Variants in ARG2 observed in about 807,000 individuals in gnomAD.
ARG2 encodes arginase-2, mitochondrial.
In ARG2, 21 loss-of-function variants were observed where a neutral mutation model predicts 39.4. The ratio of observed to expected loss-of-function variants is 0.53; its 90% confidence interval spans 0.38 to 0.77. The LOEUF is 0.77. Among genes scored for constraint, ARG2 ranks in the 30% least tolerant of loss-of-function variants. The probability of loss-of-function intolerance (pLI) is 0.00; values close to 1 mark genes in which losing one functional copy is unlikely to be tolerated. For synonymous variants in ARG2, 150 were observed against 156.7 expected (o/e 0.96, Z 0.32); for missense variants, 378 against 426.2 (o/e 0.89, Z 1.00).
intron 7 of ARG2, 138 bp downstream of exon 7, chr14:67,648,321 T>C (rs2140785529): frequency 1.1e-6 from 1 of 938,554 alleles, no homozygotes; most frequent in Non-Finnish European, 1.5e-6. Context: ...CTAAAAATTA[T>C]ATGGCCATGC....
At chr14:67,650,244 GA>G (rs2037155054) in intron 7 of ARG2, 1 of 202,626 alleles carries the variant, frequency 4.9e-6, no homozygotes, top group Admixed American at 5.3e-5. Context: ...AACAGATACA[GA>G]TAACACATTA....
chr14:67,621,949 TAGTC>T (rs1433000656), intron 2 of ARG2, among the ~76,000 whole-genome samples: 1 of 151,836 alleles, frequency 6.6e-6, no homozygotes, highest in Non-Finnish European at 1.5e-5. Flanking sequence ...ATACAAAAAT[TAGTC>T]AGGCATAGTG....
At chr14:67,633,400 T>A (rs1192137468) in intron 2 of ARG2, among the ~76,000 whole-genome samples, 1 of 152,218 alleles carries the variant, frequency 6.6e-6, no homozygotes, top group Non-Finnish European at 1.5e-5. Flanking sequence ...GAGGTGACAT[T>A]TCAGCGATAC....
Position 67,620,082 on chromosome 14 carries a change from A to T in ARG2, c.105A>T (p.Gln35His). Residue 35 changes from glutamine to histidine, a missense_variant, in exon 1 of 8, where the codon CAA (glutamine) becomes CAT (histidine). By Grantham distance (24) the Gln-to-His change is conservative. Transcript: ENST00000261783. ...CTGTGATAGGAGCCCCGTTCTCACA[A>T]GGGCAGGTGAGAACTGGCACCTGGA... is the stretch of plus-strand genomic sequence containing the variant. The part of the protein sequence containing the change: ...SVAVIGAPFS[Q>H]GQKRKGVEHG... The T allele has an allele frequency of 6.2e-7, 1 of 1,602,030 alleles. No individual in the cohort carries two copies. Among genetic ancestry groups the T allele is most frequent in the Non-Finnish European group, 8.5e-7 (1 of 1,173,796 alleles).
chr14:67,632,808 A>ATTTTTTT (rs55642854), intron 2 of ARG2, among the ~76,000 whole-genome samples: 4 of 62,412 alleles, frequency 6.4e-5, no homozygotes, highest in Non-Finnish European at 8.4e-5. Context: ...AAGCCTCTTA[A>ATTTTTTT]TTTTTTTTTT....
chr14:67,643,292 CAAA>C lies in ARG2; in HGVS notation c.362+932_362+934del, dbSNP rs141169259. Among the ~76,000 whole-genome samples, 572 of 152,232 alleles carry C rather than the reference CAAA, an allele frequency of 3.8e-3. 2 individuals carry two copies. The highest frequency in any genetic ancestry group is 0.012 in the African/African-American group (499 of 41,540). On this transcript the variant is annotated intron_variant, in intron 3 of 7. Transcript: ENST00000261783. ...ATGAAATAAATATACATGGAATAAA[CAAA>C]AATATTGAATTCTACAGAATTTCAA...
chr14:67,629,678 C>T (rs943306752), intron 2 of ARG2, among the ~76,000 whole-genome samples: 12 of 152,074 alleles, frequency 7.9e-5, no homozygotes, highest in African/African-American at 2.9e-4. Context: ...ACTGTACTAC[C>T]CAGATTTCTT....
chr14:67,642,084 T>C (rs1566803165), intron 2 of ARG2, 102 bp from the exon 3 acceptor site: 1 of 1,130,096 alleles, frequency 8.8e-7, no homozygotes, highest in East Asian at 2.4e-5. Context: ...GACAAAATGA[T>C]TATGATGTGT....
intron 2 of ARG2, among the ~76,000 whole-genome samples, chr14:67,627,256 G>GATATATATATAT (rs3070464): frequency 0.02 from 2,607 of 133,480 alleles, 80 homozygotes; most frequent in African/African-American, 0.052. Flanking sequence ...TCAGTAAGGA[G>GATATATATATAT]ATATATATAT....
Position 67,620,001 on chromosome 14 carries a change from G to T in ARG2, c.24G>T (p.Ser8=), listed in dbSNP as rs1452878645. The T allele has an allele frequency of 6.2e-7, 1 of 1,608,212 alleles. No homozygotes were observed. The highest frequency in any genetic ancestry group is 1.1e-5 in the South Asian group (1 of 90,274). MSLRGSL[S]RLLQTRVHSI... Reference sequence around the variant, plus strand: ...TCATGTCCCTAAGGGGCAGCCTCTCGCGTCTCCTCCAGACGCGAGTGCATT... The same window carrying T: ...TCATGTCCCTAAGGGGCAGCCTCTCTCGTCTCCTCCAGACGCGAGTGCATT... Residue 8 remains serine (S), a synonymous_variant, in exon 1 of 8, where the codon TCG becomes TCT. Coordinates refer to ENST00000261783, the MANE Select transcript of ARG2 (RefSeq NM_001172.4).
chr14:67,644,202 T>C (rs1258075621), intron 3 of ARG2, among the ~76,000 whole-genome samples: 1 of 152,224 alleles, frequency 6.6e-6, no homozygotes, highest in Non-Finnish European at 1.5e-5. Context: ...CTTGAATAGC[T>C]GTTGAACATT....
chr14:67,625,612 G>A (rs1486685417), intron 2 of ARG2, among the ~76,000 whole-genome samples: 1 of 150,372 alleles, frequency 6.7e-6, no homozygotes, highest in African/African-American at 2.5e-5. Flanking sequence ...CCTGGGAGGC[G>A]GAGGTTGTGA....
intron 2 of ARG2, among the ~76,000 whole-genome samples, chr14:67,630,950 G>T (rs1020531195): frequency 2.0e-5 from 3 of 152,084 alleles, no homozygotes; most frequent in Non-Finnish European, 2.9e-5. Context: ...TTTTCTTTCC[G>T]GAAAAAGGGA....
chr14:67,642,501 A>G, intron 3 of ARG2, 138 bp downstream of exon 3: 1 of 1,037,820 alleles, frequency 9.6e-7, no homozygotes, highest in Non-Finnish European at 1.4e-6. Flanking sequence ...ATGAACAGCA[A>G]GCATTTAAAT....
chr14:67,631,480 G>C (rs1296313293), intron 2 of ARG2, among the ~76,000 whole-genome samples: 1 of 135,850 alleles, frequency 7.4e-6, no homozygotes, highest in Non-Finnish European at 1.5e-5. Flanking sequence ...CTGTCATCCA[G>C]GCTGGAGTAC....
chr14:67,644,950 A>G (rs1213885473), intron 3 of ARG2, among the ~76,000 whole-genome samples: 5 of 151,258 alleles, frequency 3.3e-5, no homozygotes, highest in Admixed American at 2.6e-4. Flanking sequence ...GTGAGCTGAG[A>G]TTGCGCCACT....
intron 6 of ARG2, 82 bp from the exon 7 acceptor site, chr14:67,647,965 T>C (rs888464364): frequency 5.0e-5 from 68 of 1,351,292 alleles, no homozygotes; most frequent in Non-Finnish European, 6.3e-5. Context: ...AATCAAGGAG[T>C]TGCAACCATA....
At chr14:67,647,492 T>C (rs2037115442) in intron 6 of ARG2, 1 of 157,300 alleles carries the variant, frequency 6.4e-6, no homozygotes, top group South Asian at 2.0e-4. Context: ...AGTATGTCAT[T>C]TCATAAGCTG....
chr14:67,642,793 C>CTTTTTTTTTTTTTTTTTTTTTTTT lies in ARG2; in HGVS notation c.362+434_362+457dup, dbSNP rs869215946. On this transcript the variant is annotated intron_variant, in intron 3 of 7. Coordinates refer to ENST00000261783, the MANE Select transcript of ARG2 (RefSeq NM_001172.4). ...CCCCTTTGGCATGTTACTACATTTT[C>CTTTTTTTTTTTTTTTTTTTTTTTT]TTTTTTTTTTTTTTTTTTTTTTTTT... 7.9e-5 allele frequency among the ~76,000 whole-genome samples: 6 copies of CTTTTTTTTTTTTTTTTTTTTTTTT among 75,518 alleles called. 1 individual carries two copies. Among genetic ancestry groups the CTTTTTTTTTTTTTTTTTTTTTTTT allele is most frequent in the African/African-American group, 1.6e-4 (3 of 18,234 alleles). The allele number at this position is 75,518 out of a possible 152,430, so 49.5% of individuals were successfully genotyped here.
Sources: gnomAD v4.1 joint callset for allele counts (sites outside exome capture counted in the v4.1 genomes callset) on GRCh38, gnomAD v4.1.1 for gene constraint, MANE v1.5 for transcripts, NCBI Gene and HGNC (gene_info 2026-07-23, HGNC 2026-07-21) for gene names.